Variants in CRACD observed in about 807,000 individuals in gnomAD.
CRACD encodes the protein capping protein-inhibiting regulator of actin dynamics.
A neutral mutation model predicts 106.8 loss-of-function variants in CRACD; 56 were observed. That is an observed-to-expected ratio of 0.52 (90% CI 0.42 to 0.66). The LOEUF is 0.66. CRACD is among the 30% of genes least tolerant of loss of function. The pLI, the probability that CRACD is intolerant of heterozygous loss-of-function variation, is 0.00. For synonymous variants in CRACD, 754 were observed against 670.8 expected (o/e 1.12, Z -1.92); for missense variants, 1,730 against 1,623.2 (o/e 1.07, Z -1.13).
intron 8 of CRACD, among the ~76,000 whole-genome samples, chr4:56,322,150 G>A (rs1267808269): frequency 2.0e-5 from 3 of 152,188 alleles, no homozygotes; most frequent in Admixed American, 6.5e-5. Flanking sequence ...TGAGGGAAAA[G>A]GAGATTCTTG....
chr4:56,222,440 G>A (rs1739093375), intron 2 of CRACD, among the ~76,000 whole-genome samples: 1 of 152,152 alleles, frequency 6.6e-6, no homozygotes, highest in South Asian at 2.1e-4. Context: ...TGGGTACGGT[G>A]TATGCTACTT....
At chr4:56,295,102 C>T (rs1000347750) in intron 3 of CRACD, among the ~76,000 whole-genome samples, 29 of 151,512 alleles carry the variant, frequency 1.9e-4, no homozygotes, top group African/African-American at 6.5e-4. Flanking sequence ...AACAAAACAA[C>T]AACAACAAAA....
At chr4:56,294,435 C>T (rs1560522383) in intron 3 of CRACD, among the ~76,000 whole-genome samples, 1 of 151,848 alleles carries the variant, frequency 6.6e-6, no homozygotes, top group Non-Finnish European at 1.5e-5. Flanking sequence ...TGTACAAGAC[C>T]TCTATACAGA....
At chr4:56,066,044 A>T (rs771643205) in intron 1 of CRACD, among the ~76,000 whole-genome samples, 1 of 152,206 alleles carries the variant, frequency 6.6e-6, no homozygotes, top group Non-Finnish European at 1.5e-5. Flanking sequence ...TGGCTGAATA[A>T]TATTCCATTG....
chr4:56,307,178 T>G (rs1744781644), intron 4 of CRACD, among the ~76,000 whole-genome samples: 1 of 152,240 alleles, frequency 6.6e-6, no homozygotes. Flanking sequence ...ACTTTTTATG[T>G]AAATGAATTT....
chr4:56,280,252 C>T (rs1209584712), intron 3 of CRACD, among the ~76,000 whole-genome samples: 3 of 151,364 alleles, frequency 2.0e-5, no homozygotes, highest in Admixed American at 1.3e-4. Flanking sequence ...ATGTAACAAA[C>T]GTGCACGTTG....
chr4:56,266,497 A>G (rs890774168), intron 2 of CRACD, among the ~76,000 whole-genome samples: 2 of 152,222 alleles, frequency 1.3e-5, no homozygotes, highest in Admixed American at 6.5e-5. Flanking sequence ...TTGTGTTGTA[A>G]AAGTCTAAAA....
intron 2 of CRACD, among the ~76,000 whole-genome samples, chr4:56,224,388 T>G (rs577899519): frequency 6.6e-6 from 1 of 152,350 alleles, no homozygotes; most frequent in East Asian, 1.9e-4. Context: ...ATCTTCTGTT[T>G]GTTACTGGTG....
intron 1 of CRACD, among the ~76,000 whole-genome samples, chr4:56,161,049 G>C (rs972513322): frequency 2.0e-5 from 3 of 152,070 alleles, no homozygotes; most frequent in Non-Finnish European, 2.9e-5. Context: ...TCCTAAATAA[G>C]ATTTGTAGTT....
At chr4:56,239,122 G>C (rs542443072) in intron 2 of CRACD, among the ~76,000 whole-genome samples, 1 of 152,152 alleles carries the variant, frequency 6.6e-6, no homozygotes, top group Non-Finnish European at 1.5e-5. Context: ...GTGAAACTGC[G>C]TCTCTACTAA....
chr4:56,101,760 CAAAAAA>C (rs60106850), intron 1 of CRACD, among the ~76,000 whole-genome samples: 2 of 103,296 alleles, frequency 1.9e-5, no homozygotes, highest in Admixed American at 1.0e-4. Context: ...AAGACTGTCT[CAAAAAA>C]AAAAAAAAAA....
intron 2 of CRACD, among the ~76,000 whole-genome samples, chr4:56,268,821 C>T (rs1742184584): frequency 6.6e-6 from 1 of 152,168 alleles, no homozygotes; most frequent in Admixed American, 6.5e-5. Flanking sequence ...GCCTAGTGCT[C>T]TTGGATGATC....
chr4:56,208,251 C>G (rs1303849774), intron 2 of CRACD, among the ~76,000 whole-genome samples: 1 of 151,998 alleles, frequency 6.6e-6, no homozygotes, highest in African/African-American at 2.4e-5. Context: ...CTGGATGGGC[C>G]CTTCTGAGCT....
At chr4:56,148,940 C>T (rs1735488947) in intron 1 of CRACD, among the ~76,000 whole-genome samples, 1 of 151,896 alleles carries the variant, frequency 6.6e-6, no homozygotes, top group Non-Finnish European at 1.5e-5. Flanking sequence ...CTCAACCTCC[C>T]AAGTAGCTGG....
chr4:56,188,659 T>TC (rs1553908639), intron 2 of CRACD, among the ~76,000 whole-genome samples: 44 of 83,814 alleles, frequency 5.2e-4, no homozygotes, highest in Non-Finnish European at 7.1e-4. Context: ...ATCTCTCTAT[T>TC]TCTCTCTCTC....
Position 56,307,590 on chromosome 4 carries a change from T to A in CRACD, c.176T>A (p.Met59Lys). 1.2e-6 allele frequency: 2 copies of A among 1,614,198 alleles called. No homozygotes were observed. The highest frequency in any genetic ancestry group is 1.7e-6 in the Non-Finnish European group (2 of 1,180,038). Residue 59 changes from methionine to lysine, a missense_variant, in exon 5 of 11, where the codon ATG becomes AAG. By Grantham distance (95) the Met-to-Lys change is moderately conservative. Around this residue, in one of 5 missense-constraint regions of CRACD, gnomAD observed 1,620 missense variants for 1,481.6 expected, o/e 1.09. Transcript: ENST00000682029. ...FGQRSPNAIP[M>K]NKANSGEASL... ...CAGCGGTCACCCAATGCCATTCCCA[T>A]GAATAAGGCAAACAGTGGAGAGGCT...
At chr4:56,288,827 A>G (rs1245761115) in intron 3 of CRACD, among the ~76,000 whole-genome samples, 5 of 152,236 alleles carry the variant, frequency 3.3e-5, no homozygotes, top group Non-Finnish European at 7.3e-5. Flanking sequence ...CAGCACACCC[A>G]TGTTCATTGC....
intron 2 of CRACD, among the ~76,000 whole-genome samples, chr4:56,221,010 G>A (rs984645022): frequency 3.3e-5 from 5 of 152,148 alleles, no homozygotes; most frequent in Admixed American, 2.0e-4. Flanking sequence ...AGAATCCAGC[G>A]TCCTTGGGGT....
chr4:56,156,070 T>C (rs947659432), intron 1 of CRACD, among the ~76,000 whole-genome samples: 7 of 152,184 alleles, frequency 4.6e-5, no homozygotes, highest in African/African-American at 1.7e-4. Flanking sequence ...TTCAGGCGAT[T>C]CTCATGCCTC....
Sources: gnomAD v4.1 joint callset for allele counts (sites outside exome capture counted in the v4.1 genomes callset) on GRCh38, gnomAD v4.1.1 for gene constraint, gnomAD v4.1.1 regional missense constraint, MANE v1.5 for transcripts, NCBI Gene and HGNC (gene_info 2026-07-23, HGNC 2026-07-21) for gene names.